Variants in TMEM242 observed in about 807,000 individuals in gnomAD.
TMEM242 encodes the protein transmembrane protein 242.
TMEM242 carries 10 observed loss-of-function variants against 18.2 expected under a neutral mutation model. The ratio of observed to expected loss-of-function variants is 0.55; its 90% CI spans 0.34 to 0.93. TMEM242 has a LOEUF of 0.93. Ranked by LOEUF, TMEM242 falls within the 40% of genes least tolerant of loss-of-function variation. The probability of loss-of-function intolerance (pLI) is 0.02; values close to 1 mark genes in which losing one functional copy is unlikely to be tolerated. For synonymous variants in TMEM242, 57 were observed against 69.9 expected, an observed-to-expected ratio of 0.81 and a Z score of 0.92; for missense variants, 186 against 175.5, an observed-to-expected ratio of 1.06 and a Z score of -0.34.
At chr6:157,308,086 A>G (rs1226268454) in intron 3 of TMEM242, among the ~76,000 whole-genome samples, 1 of 152,218 alleles carries the variant, frequency 6.6e-6, no homozygotes, top group Admixed American at 6.5e-5. Flanking sequence ...ATCTAAGCCA[A>G]TGAAAGTACA....
chr6:157,323,330 T>A, intron 1 of TMEM242, 82 bp downstream of exon 1: 2 of 1,436,298 alleles, frequency 1.4e-6, no homozygotes, highest in Non-Finnish European at 1.9e-6. Flanking sequence ...GCGGGATGTG[T>A]GTGGGAATGC....
At chr6:157,306,547 C>A (rs940594095) in intron 3 of TMEM242, among the ~76,000 whole-genome samples, 2 of 152,060 alleles carry the variant, frequency 1.3e-5, no homozygotes, top group African/African-American at 4.8e-5. Context: ...GAGGGACACA[C>A]GGGATGCCTG....
chr6:157,318,777 C>T lies in TMEM242; in HGVS notation c.327+5G>A, dbSNP rs781875636. On this transcript the variant is annotated splice_donor_5th_base_variant and intron_variant, in intron 3 of 3. Transcript: ENST00000400788. ...GATACCAGGGACAAGACAGTAGTTA[C>T]TTACACTGTGAACTCCTAAAGCTTT... 1.2e-6 allele frequency: 2 copies of T among 1,614,000 alleles called. No individual in the cohort carries two copies. The highest frequency in any genetic ancestry group is 8.5e-7 in the Non-Finnish European group (1 of 1,179,988).
chr6:157,322,186 A>C (rs1554250780), intron 2 of TMEM242, among the ~76,000 whole-genome samples: 1 of 152,196 alleles, frequency 6.6e-6, no homozygotes, highest in Non-Finnish European at 1.5e-5. Context: ...GTTGAAGTGC[A>C]GTGGTGTTAT....
intron 3 of TMEM242, among the ~76,000 whole-genome samples, chr6:157,310,500 GT>G (rs1777994878): frequency 7.2e-6 from 1 of 138,846 alleles, no homozygotes; most frequent in African/African-American, 2.7e-5. Context: ...TCATCATAGT[GT>G]CCCAGTGTAC....
chr6:157,317,714 G>A (rs910078048), intron 3 of TMEM242, among the ~76,000 whole-genome samples: 1 of 152,116 alleles, frequency 6.6e-6, no homozygotes, highest in East Asian at 1.9e-4. Flanking sequence ...TTGAGCTCCT[G>A]ACATTATCTC....
intron 3 of TMEM242, among the ~76,000 whole-genome samples, chr6:157,302,539 T>C (rs1777845018): frequency 6.6e-6 from 1 of 152,096 alleles, no homozygotes; most frequent in Non-Finnish European, 1.5e-5. Context: ...AAATCAATCT[T>C]GAGGGGGAAA....
chr6:157,316,633 C>T lies in TMEM242; in HGVS notation c.327+2149G>A, dbSNP rs587666403. Among the ~76,000 whole-genome samples, 463 of 152,126 alleles carry T rather than the reference C, an allele frequency of 3.0e-3. 2 individuals are homozygous for T. The highest frequency in any genetic ancestry group is 0.011 in the African/African-American group (446 of 41,474). ...GCTCACACCTTTAATCCCAGCACTT[C>T]GGGAGGCTGAGGCAGAAGATCGCTT... On this transcript the variant is annotated intron_variant, in intron 3 of 3. Coordinates refer to ENST00000400788, the MANE Select transcript of TMEM242 (RefSeq NM_018452.6).
chr6:157,299,179 C>T (rs1777792632), intron 3 of TMEM242: 2 of 580,186 alleles, frequency 3.4e-6, no homozygotes, highest in Non-Finnish European at 6.5e-6. Flanking sequence ...CCACAGAGAC[C>T]CCTAATGATG....
At chr6:157,322,942 C>A in intron 1 of TMEM242, 137 bp from the exon 2 acceptor site, 2 of 724,336 alleles carry the variant, frequency 2.8e-6, no homozygotes, top group Non-Finnish European at 2.2e-6. Context: ...GAAACCATGG[C>A]TAAGCAGCTC....
At chr6:157,312,672 A>G (rs199759455) in intron 3 of TMEM242, among the ~76,000 whole-genome samples, 498 of 13,608 alleles carry the variant, frequency 0.037, 1 homozygote, top group South Asian at 0.11. Flanking sequence ...CCCAGGGTGC[A>G]CTCACCTAGC....
At chr6:157,310,109 T>C (rs1777977141) in intron 3 of TMEM242, among the ~76,000 whole-genome samples, 2 of 152,222 alleles carry the variant, frequency 1.3e-5, no homozygotes. Flanking sequence ...AAACTCAAGG[T>C]AGTCTAGCTA....
intron 2 of TMEM242, 134 bp downstream of exon 2, chr6:157,322,571 A>G: frequency 6.3e-6 from 4 of 632,624 alleles, no homozygotes; most frequent in Non-Finnish European, 1.0e-5. Flanking sequence ...GTACATTTCT[A>G]GAATCCATGA....
intron 3 of TMEM242, among the ~76,000 whole-genome samples, chr6:157,302,911 G>C (rs985208526): frequency 1.1e-4 from 16 of 152,220 alleles, no homozygotes; most frequent in Admixed American, 2.6e-4. Flanking sequence ...AAGAATGGCT[G>C]CCACTAAGTC....
chr6:157,312,923 C>G (rs1554249518), intron 3 of TMEM242, among the ~76,000 whole-genome samples: 267 of 152,152 alleles, frequency 1.8e-3, no homozygotes, highest in African/African-American at 6.1e-3. Context: ...CACCCGGCAT[C>G]ATCATAGTGC....
rs1236474380 is a variant in TMEM242 at position 157,309,095 on chromosome 6, C to CT, written c.327+9686dup. Among the ~76,000 whole-genome samples the CT allele has an allele frequency of 5.3e-5, 8 of 152,264 alleles. No homozygotes were observed. The East Asian group carries it at 1.5e-3, about 29-fold the overall frequency. On this transcript the variant is annotated intron_variant, in intron 3 of 3. Transcript: ENST00000400788. ...AAGTGATGGAGATTGATATACTCTG[C>CT]TGTGCAAAGATGCTCCTGTGACTGT...
At chr6:157,311,112 G>T (rs1554248610) in intron 3 of TMEM242, among the ~76,000 whole-genome samples, 8 of 138,348 alleles carry the variant, frequency 5.8e-5, no homozygotes, top group African/African-American at 2.3e-4. Context: ...GTCCCAGTGT[G>T]CACTCACCTA....
intron 3 of TMEM242, among the ~76,000 whole-genome samples, chr6:157,314,802 T>G (rs782004091): frequency 5.9e-5 from 9 of 152,344 alleles, no homozygotes; most frequent in African/African-American, 2.2e-4. Flanking sequence ...AAAACCAAAA[T>G]ACTTTAAAGA....
intron 3 of TMEM242, among the ~76,000 whole-genome samples, chr6:157,298,445 A>G (rs587639023): frequency 6.6e-6 from 1 of 152,304 alleles, no homozygotes; most frequent in African/African-American, 2.4e-5. Flanking sequence ...CTATTTTCAT[A>G]TCTTAACCAA....
Sources: allele counts gnomAD v4.1 joint callset (sites outside exome capture counted in the v4.1 genomes callset), GRCh38; gene constraint gnomAD v4.1.1; transcripts MANE v1.5; gene names NCBI Gene and HGNC (gene_info 2026-07-23, HGNC 2026-07-21).